MACROH2A2: variants seen among roughly 807,000 people sequenced by gnomAD.
MACROH2A2 encodes the protein core histone macro-H2A.2.
In MACROH2A2, 6 loss-of-function variants were observed where a neutral mutation model predicts 37.6. The observed-to-expected ratio is 0.16, with a 90% confidence interval of 0.09 to 0.32. The LOEUF (loss-of-function observed/expected upper bound fraction) is 0.32, where lower values mean the gene tolerates loss of function less well. Ranked by LOEUF, MACROH2A2 falls within the 10% of genes least tolerant of loss-of-function variation. The probability of loss-of-function intolerance (pLI) is 1.00; values close to 1 mark genes in which losing one functional copy is unlikely to be tolerated. For missense variants in MACROH2A2, 290 were observed against 485.9 expected (o/e 0.60, Z 3.79); for synonymous variants, 192 against 202.7 (o/e 0.95, Z 0.45).
intron 8 of MACROH2A2, 69 bp downstream of exon 8, chr10:70,109,276 C>G: frequency 1.5e-6 from 2 of 1,342,806 alleles, no homozygotes; most frequent in Non-Finnish European, 2.1e-6. Context: ...CCCCCACTTA[C>G]ATCTGATCTG....
intron 7 of MACROH2A2, among the ~76,000 whole-genome samples, chr10:70,105,341 G>C (rs570898454): frequency 1.3e-5 from 2 of 152,272 alleles, no homozygotes; most frequent in African/African-American, 4.8e-5. Context: ...GGGACCCCAG[G>C]GTAACACAGT....
At chr10:70,081,541 CAAGGGAAGGAAGGG>C (rs1172699265) in intron 2 of MACROH2A2, among the ~76,000 whole-genome samples, 4 of 151,918 alleles carry the variant, frequency 2.6e-5, no homozygotes, top group Admixed American at 2.6e-4. Context: ...CGTCAGAGGC[CAAGGGAAGGAAGGG>C]AAGGCCAGGA....
At chr10:70,063,546 A>G (rs567243241) in intron 1 of MACROH2A2, among the ~76,000 whole-genome samples, 1 of 152,342 alleles carries the variant, frequency 6.6e-6, no homozygotes, top group East Asian at 1.9e-4. Flanking sequence ...TTAATTTTTT[A>G]ACACGACATT....
intron 1 of MACROH2A2, among the ~76,000 whole-genome samples, chr10:70,067,509 G>A (rs1478970249): frequency 6.6e-6 from 1 of 151,904 alleles, no homozygotes; most frequent in Non-Finnish European, 1.5e-5. Context: ...CAAATGTGAT[G>A]AGCACTATAC....
intron 1 of MACROH2A2, among the ~76,000 whole-genome samples, chr10:70,067,406 C>T (rs529938031): frequency 3.9e-5 from 6 of 152,082 alleles, no homozygotes; most frequent in Non-Finnish European, 5.9e-5. Context: ...AAAAACAATT[C>T]GTCTTGACAT....
At chr10:70,066,902 AT>A in intron 1 of MACROH2A2, among the ~76,000 whole-genome samples, 1 of 152,000 alleles carries the variant, frequency 6.6e-6, no homozygotes, top group Non-Finnish European at 1.5e-5. Context: ...TCCATGCCCT[AT>A]TTAGTGCCAT....
chr10:70,076,189 T>C (rs866590165), intron 2 of MACROH2A2, among the ~76,000 whole-genome samples: 24 of 152,266 alleles, frequency 1.6e-4, no homozygotes, highest in East Asian at 1.9e-4. Context: ...GGATTTGATA[T>C]TCATTTTGTA....
intron 7 of MACROH2A2, among the ~76,000 whole-genome samples, chr10:70,104,701 C>G (rs902654819): frequency 6.6e-6 from 1 of 152,034 alleles, no homozygotes; most frequent in Non-Finnish European, 1.5e-5. Context: ...GAATTTGAAC[C>G]GCAAGCCAGT....
chr10:70,105,244 C>T (rs2072330142), intron 7 of MACROH2A2, among the ~76,000 whole-genome samples: 1 of 152,218 alleles, frequency 6.6e-6, no homozygotes, highest in South Asian at 2.1e-4. Flanking sequence ...TCACGTTAAG[C>T]ATCTACGGTG....
chr10:70,103,432 T>G (rs1415104222), intron 7 of MACROH2A2, among the ~76,000 whole-genome samples: 1 of 152,238 alleles, frequency 6.6e-6, no homozygotes, highest in East Asian at 1.9e-4. Flanking sequence ...GATCTTGAAC[T>G]GCTGGGCTTA....
chr10:70,100,362 T>A, intron 7 of MACROH2A2, 65 bp downstream of exon 7: 1 of 852,316 alleles, frequency 1.2e-6, no homozygotes, highest in Non-Finnish European at 2.0e-6. Context: ...GTCTCCAGCC[T>A]CACGTGCCTC....
intron 7 of MACROH2A2, among the ~76,000 whole-genome samples, chr10:70,105,287 T>C (rs1488415423): frequency 6.6e-6 from 1 of 152,190 alleles, no homozygotes; most frequent in Non-Finnish European, 1.5e-5. Flanking sequence ...AGGATGTGGA[T>C]GTGATTGTAG....
intron 7 of MACROH2A2, among the ~76,000 whole-genome samples, chr10:70,101,626 A>G (rs943565466): frequency 3.3e-5 from 5 of 151,624 alleles, no homozygotes; most frequent in Non-Finnish European, 5.9e-5. Context: ...TTTTCCCCCA[A>G]CAAACCCCCT....
intron 2 of MACROH2A2, among the ~76,000 whole-genome samples, chr10:70,085,247 G>A (rs1000546441): frequency 3.3e-5 from 5 of 152,156 alleles, no homozygotes; most frequent in Non-Finnish European, 5.9e-5. Context: ...TTTTGATTTG[G>A]GGACTGATTT....
At chr10:70,064,747 G>T (rs1188110771) in intron 1 of MACROH2A2, among the ~76,000 whole-genome samples, 1 of 151,908 alleles carries the variant, frequency 6.6e-6, no homozygotes, top group Non-Finnish European at 1.5e-5. Context: ...TTTGCCTCCC[G>T]CCCTGATTCT....
chr10:70,091,516 A>AT (rs2072244609), intron 3 of MACROH2A2, among the ~76,000 whole-genome samples: 1 of 152,012 alleles, frequency 6.6e-6, no homozygotes, highest in African/African-American at 2.4e-5. Flanking sequence ...TCTCTACTAA[A>AT]AATACAAAAA....
chr10:70,064,989 A>C (rs544601988), intron 1 of MACROH2A2, among the ~76,000 whole-genome samples: 1 of 151,472 alleles, frequency 6.6e-6, no homozygotes, highest in South Asian at 2.1e-4. Context: ...AAGCTCTTCT[A>C]TCTGCCTATA....
At chr10:70,105,921 G>T (rs765270964) in intron 7 of MACROH2A2, among the ~76,000 whole-genome samples, 10 of 152,232 alleles carry the variant, frequency 6.6e-5, no homozygotes, top group Non-Finnish European at 1.2e-4. Flanking sequence ...GCAGGTCCCT[G>T]TTGAAAGCTA....
At chr10:70,065,938 C>T (rs542307606) in intron 1 of MACROH2A2, among the ~76,000 whole-genome samples, 25 of 152,334 alleles carry the variant, frequency 1.6e-4, no homozygotes, top group Admixed American at 1.5e-3. Context: ...ATGATTTTGA[C>T]ACTAAAAATG....
Sources: gnomAD v4.1 joint callset for allele counts (sites outside exome capture counted in the v4.1 genomes callset) on GRCh38, gnomAD v4.1.1 for gene constraint, MANE v1.5 for transcripts, NCBI Gene and HGNC (gene_info 2026-07-23, HGNC 2026-07-21) for gene names.